Variants in HDAC8 observed in about 807,000 individuals in gnomAD.
HDAC8 encodes the protein histone deacetylase 8.
HDAC8 carries 1 observed loss-of-function variant against 32.2 expected under a neutral mutation model. The observed-to-expected ratio is 0.03, with a 90% CI of 0.01 to 0.15. The LOEUF is 0.15. Among genes scored for constraint, HDAC8 ranks in the 10% least tolerant of loss-of-function variants. The pLI, the probability that HDAC8 is intolerant of heterozygous loss-of-function variation, is 1.00. For missense variants in HDAC8, 117 were observed against 300.0 expected (o/e 0.39, Z 4.51); for synonymous variants, 108 against 113.9 (o/e 0.95, Z 0.33).
At chrX:72,368,647 G>A (rs1342673627) in intron 9 of HDAC8, among the ~76,000 whole-genome samples, 3 of 112,288 alleles carry the variant, frequency 2.7e-5, no homozygotes, top group Non-Finnish European at 5.6e-5. Flanking sequence ...AAGCCACCAC[G>A]CCTGGCCATC....
chrX:72,571,553 C>CTTTTTTTTTTTTTTTT (rs782331910), intron 2 of HDAC8, among the ~76,000 whole-genome samples: 13 of 30,441 alleles, frequency 4.3e-4, no homozygotes, highest in Non-Finnish European at 4.7e-4. Context: ...TTCTTTCTTT[C>CTTTTTTTTTTTTTTTT]TTTTTTTTTT....
chrX:72,554,502 G>GGGTAGGGCA (rs1486517319), intron 4 of HDAC8, among the ~76,000 whole-genome samples: 1 of 93,398 alleles, frequency 1.1e-5, no homozygotes, highest in African/African-American at 4.0e-5. Flanking sequence ...CGGGGGGAGC[G>GGGTAGGGCA]GGGAGGGCGG....
At chrX:72,567,856 A>T in intron 4 of HDAC8, 33 bp downstream of exon 4, 1 of 1,211,323 alleles carries the variant, frequency 8.3e-7, no homozygotes, top group Non-Finnish European at 1.1e-6. Context: ...GACTCAAGGA[A>T]AGAGTCAGAA....
intron 9 of HDAC8, among the ~76,000 whole-genome samples, chrX:72,406,595 T>C (rs2046044704): frequency 8.9e-6 from 1 of 112,045 alleles, no homozygotes; most frequent in Admixed American, 9.5e-5. Flanking sequence ...ACATAATGTA[T>C]ATTCAGACTC....
chrX:72,354,582 T>G (rs1369431444), intron 9 of HDAC8, among the ~76,000 whole-genome samples: 1 of 112,518 alleles, frequency 8.9e-6, no homozygotes, highest in Non-Finnish European at 1.9e-5. Flanking sequence ...GGCAGCATGA[T>G]GAAGTGGAAA....
chrX:72,567,821 TAA>T (rs2051856808), intron 4 of HDAC8, 66 bp downstream of exon 4: 1 of 1,209,344 alleles, frequency 8.3e-7, no homozygotes, highest in African/African-American at 1.7e-5. Flanking sequence ...ACAATAAGCA[TAA>T]GAGTTTACAT....
chrX:72,438,177 T>G (rs1421704936), intron 9 of HDAC8, among the ~76,000 whole-genome samples: 1 of 112,133 alleles, frequency 8.9e-6, no homozygotes, highest in Non-Finnish European at 1.9e-5. Context: ...TTTTGCAGCC[T>G]CCGCTGGTGA....
At chrX:72,339,112 G>A (rs1331744825) in intron 10 of HDAC8, among the ~76,000 whole-genome samples, 1 of 111,424 alleles carries the variant, frequency 9.0e-6, no homozygotes, top group Admixed American at 9.6e-5. Flanking sequence ...AATCATTGTA[G>A]GGATTACCCT....
intron 9 of HDAC8, among the ~76,000 whole-genome samples, chrX:72,407,882 C>T (rs2046089565): frequency 8.9e-6 from 1 of 112,268 alleles, no homozygotes; most frequent in South Asian, 3.7e-4. Context: ...ATCAGAAACA[C>T]ATGGGTGCCC....
At chrX:72,428,743 T>C (rs1018951861) in intron 9 of HDAC8, among the ~76,000 whole-genome samples, 1 of 111,384 alleles carries the variant, frequency 9.0e-6, no homozygotes, top group Non-Finnish European at 1.9e-5. Flanking sequence ...AGGAAACCAG[T>C]TCTCTAGTTT....
At chrX:72,382,124 C>T (rs1165605423) in intron 9 of HDAC8, among the ~76,000 whole-genome samples, 1 of 112,678 alleles carries the variant, frequency 8.9e-6, no homozygotes, top group Non-Finnish European at 1.9e-5. Flanking sequence ...AACTGTCTAA[C>T]CTGTCTGCAC....
intron 9 of HDAC8, among the ~76,000 whole-genome samples, chrX:72,420,444 T>A (rs1039440740): frequency 1.8e-5 from 2 of 112,371 alleles, no homozygotes; most frequent in African/African-American, 6.4e-5. Flanking sequence ...AGGTTGACAG[T>A]AATGTCCCCA....
Position 72,377,607 on chromosome X carries a change from G to A in HDAC8, c.1006-25769C>T, listed in dbSNP as rs192022615. On this transcript the variant is annotated intron_variant, in intron 9 of 10. Coordinates refer to ENST00000373573, the MANE Select transcript of HDAC8 (RefSeq NM_018486.3). ...TTAGGTGACATATATTTATAATTTT[G>A]TCTATTAGTATAGCCACACCAGCTC... is the stretch of plus-strand genomic sequence containing the variant. Among the ~76,000 whole-genome samples, 12 of 111,608 alleles carry A rather than the reference G, an allele frequency of 1.1e-4. No individual in the cohort carries two copies. In the East Asian group the frequency reaches 2.0e-3, roughly 18 times the overall value.
intron 1 of HDAC8, 25 bp downstream of exon 1, chrX:72,572,625 TG>T: frequency 4.8e-6 from 1 of 210,209 alleles, no homozygotes. Flanking sequence ...CCAAAGCCCA[TG>T]GTCTTTCATC....
At chrX:72,356,866 G>A (rs1006423689) in intron 9 of HDAC8, among the ~76,000 whole-genome samples, 5 of 111,362 alleles carry the variant, frequency 4.5e-5, no homozygotes, top group Non-Finnish European at 5.7e-5. Context: ...TTAGAGGCAC[G>A]AGCCACCATG....
chrX:72,396,982 G>A lies in HDAC8; in HGVS notation c.1006-45144C>T, dbSNP rs782040799. 7.5e-4 allele frequency among the ~76,000 whole-genome samples: 84 copies of A among 112,008 alleles called. 1 individual carries two copies. The highest frequency in any genetic ancestry group is 2.4e-3 in the Admixed American group (25 of 10,574). On this transcript the variant is annotated intron_variant, in intron 9 of 10. Transcript: ENST00000373573. ...CACAATTTTGCAGGCTGCACTGGAA[G>A]TATGGTGCCAGGCATCTGCTTGGCT...
intron 9 of HDAC8, among the ~76,000 whole-genome samples, chrX:72,360,363 AAG>A (rs1491031591): frequency 9.0e-6 from 1 of 110,710 alleles, no homozygotes; most frequent in African/African-American, 3.3e-5. Context: ...AAAAAAAAAA[AAG>A]AAGAAGAAAG....
At chrX:72,498,220 A>G (rs1376686636) in intron 4 of HDAC8, among the ~76,000 whole-genome samples, 1 of 110,150 alleles carries the variant, frequency 9.1e-6, no homozygotes, top group Non-Finnish European at 1.9e-5. Context: ...GAGAAGTGCT[A>G]GAAAGAATTA....
intron 10 of HDAC8, 38 bp downstream of exon 10, chrX:72,351,695 T>C (rs1555948913): frequency 9.7e-7 from 1 of 1,026,966 alleles, no homozygotes; most frequent in Non-Finnish European, 1.4e-6. Context: ...ACAAACTGGG[T>C]GGAACAAGGA....
Sources: allele counts gnomAD v4.1 joint callset (sites outside exome capture counted in the v4.1 genomes callset), GRCh38; gene constraint gnomAD v4.1.1; transcripts MANE v1.5; gene names NCBI Gene and HGNC (gene_info 2026-07-23, HGNC 2026-07-21).